EIF3E: variants seen among roughly 807,000 people sequenced by gnomAD.
EIF3E encodes eIF-3 p48.
A neutral mutation model predicts 59.3 loss-of-function variants in EIF3E; 25 were observed. That is an observed-to-expected ratio of 0.42 (90% confidence interval 0.31 to 0.59). The LOEUF is 0.59. Ranked by LOEUF, EIF3E falls within the 20% of genes least tolerant of loss-of-function variation. EIF3E has a pLI of 0.15. For synonymous variants in EIF3E, 176 were observed against 170.2 expected, an observed-to-expected ratio of 1.03 and a Z score of -0.26; for missense variants, 317 against 534.3, an observed-to-expected ratio of 0.59 and a Z score of 4.01.
intron 9 of EIF3E, among the ~76,000 whole-genome samples, chr8:108,215,604 T>G (rs1815287936): frequency 6.6e-6 from 1 of 151,668 alleles, no homozygotes; most frequent in Admixed American, 6.6e-5. Context: ...GGCAACAGAG[T>G]GAGACTCTGT....
intron 7 of EIF3E, among the ~76,000 whole-genome samples, chr8:108,221,105 G>A (rs535522108): frequency 6.6e-6 from 1 of 151,816 alleles, no homozygotes; most frequent in African/African-American, 2.4e-5. Context: ...AAAAGAAAAG[G>A]GAAAGGAAAA....
intron 7 of EIF3E, chr8:108,227,323 A>T (rs1250478906): frequency 6.7e-6 from 1 of 149,072 alleles, no homozygotes; most frequent in Non-Finnish European, 1.5e-5. Context: ...GACATTATCT[A>T]AAAAAAAAAG....
chr8:108,233,803 C>A (rs587340), intron 5 of EIF3E: 85,597 of 145,522 alleles, frequency 0.59, 24,796 homozygotes, highest in African/African-American at 0.61. Context: ...GGCACCACTG[C>A]ACTCTTACCT....
chr8:108,203,599 T>C (rs1030591816), intron 10 of EIF3E, 96 bp from the exon 11 acceptor site: 16 of 952,462 alleles, frequency 1.7e-5, no homozygotes, highest in African/African-American at 1.3e-4. Flanking sequence ...TAGATACTTT[T>C]TGGTATTTCT....
chr8:108,244,106 T>C (rs963713967), intron 1 of EIF3E, among the ~76,000 whole-genome samples: 80 of 152,304 alleles, frequency 5.3e-4, no homozygotes, highest in African/African-American at 1.6e-3. Flanking sequence ...AAAACGAGAA[T>C]CAAATTTCCA....
At chr8:108,240,527 G>A (rs1028928384) in intron 2 of EIF3E, among the ~76,000 whole-genome samples, 1 of 152,178 alleles carries the variant, frequency 6.6e-6, no homozygotes, top group Non-Finnish European at 1.5e-5. Flanking sequence ...TTATCAACTA[G>A]GTTGAATGGA....
intron 5 of EIF3E, among the ~76,000 whole-genome samples, chr8:108,230,784 TG>T (rs1815608372): frequency 6.6e-6 from 1 of 152,156 alleles, no homozygotes; most frequent in Admixed American, 6.5e-5. Context: ...CATCAATAGA[TG>T]AATATATTAA....
intron 10 of EIF3E, among the ~76,000 whole-genome samples, chr8:108,207,938 G>T (rs1365240512): frequency 2.0e-5 from 3 of 152,044 alleles, no homozygotes; most frequent in African/African-American, 7.2e-5. Context: ...ATAAATTTAA[G>T]TCTTGATTTA....
At chr8:108,243,097 C>T (rs985703114) in intron 1 of EIF3E, among the ~76,000 whole-genome samples, 1 of 152,164 alleles carries the variant, frequency 6.6e-6, no homozygotes, top group Non-Finnish European at 1.5e-5. Context: ...AGAAAACAAA[C>T]CACAGCATAC....
rs678387 is a variant in EIF3E, at chr8:108,230,501, G to A, written c.472-1306C>T. Among the ~76,000 whole-genome samples the A allele has an allele frequency of 2.7e-3, 415 of 151,862 alleles. 1 individual carries two copies. Among genetic ancestry groups the A allele is most frequent in the Admixed American group, 4.9e-3 (75 of 15,244 alleles). ...AATTTATATTTATCTATATGTAAATGTGTATACATATTTACAGATATATGA... is the reference window on the plus strand; with the variant it reads ...AATTTATATTTATCTATATGTAAATATGTATACATATTTACAGATATATGA... On this transcript the variant is annotated intron_variant, in intron 5 of 12. Transcript: ENST00000220849.
chr8:108,220,365 C>T (rs750784654), intron 7 of EIF3E, among the ~76,000 whole-genome samples: 31 of 152,298 alleles, frequency 2.0e-4, no homozygotes, highest in Admixed American at 5.2e-4. Context: ...TTCCTTCATA[C>T]TTGCAATGAG....
At chr8:108,240,517 T>C (rs631775) in intron 2 of EIF3E, among the ~76,000 whole-genome samples, 89,585 of 152,116 alleles carry the variant, frequency 0.59, 26,448 homozygotes, top group Middle Eastern at 0.63. Context: ...CTATTACAGG[T>C]TATCAACTAG....
intron 10 of EIF3E, among the ~76,000 whole-genome samples, chr8:108,203,928 A>G (rs1815042854): frequency 6.6e-6 from 1 of 152,140 alleles, no homozygotes; most frequent in Non-Finnish European, 1.5e-5. Flanking sequence ...TATTTGGGAA[A>G]AAGCAAACAA....
At chr8:108,236,572 T>C (rs943402847) in intron 3 of EIF3E, among the ~76,000 whole-genome samples, 6 of 152,238 alleles carry the variant, frequency 3.9e-5, no homozygotes, top group African/African-American at 1.4e-4. Flanking sequence ...TTGCTCTATG[T>C]GGTCAAATTT....
chr8:108,242,186 T>C, intron 1 of EIF3E: 3 of 1,334,208 alleles, frequency 2.2e-6, no homozygotes, highest in Non-Finnish European at 2.9e-6. Context: ...TTATTTTTTA[T>C]GTGTCCCTAC....
intron 5 of EIF3E, chr8:108,229,462 C>T (rs1163053519): frequency 4.2e-6 from 1 of 237,856 alleles, no homozygotes; most frequent in African/African-American, 2.2e-5. Flanking sequence ...CTTACTATAA[C>T]CCACTTCAGA....
At chr8:108,202,357 G>C (rs1815010819) in intron 12 of EIF3E, among the ~76,000 whole-genome samples, 1 of 151,830 alleles carries the variant, frequency 6.6e-6, no homozygotes. Context: ...CAATCAAATG[G>C]GGTCTCTGCA....
At chr8:108,247,100 ACATTT>A (rs1815962846) in intron 1 of EIF3E, among the ~76,000 whole-genome samples, 1 of 152,150 alleles carries the variant, frequency 6.6e-6, no homozygotes, top group African/African-American at 2.4e-5. Flanking sequence ...TATCTTACCA[ACATTT>A]TCTCCAAAGA....
At chr8:108,239,500 G>T (rs1815797440) in intron 3 of EIF3E, among the ~76,000 whole-genome samples, 1 of 152,144 alleles carries the variant, frequency 6.6e-6, no homozygotes. Context: ...CCACACAGTG[G>T]AACAGGGTTT....
Sources: allele counts gnomAD v4.1 joint callset (sites outside exome capture counted in the v4.1 genomes callset), GRCh38; gene constraint gnomAD v4.1.1; transcripts MANE v1.5; gene names NCBI Gene and HGNC (gene_info 2026-07-23, HGNC 2026-07-21).